Variants in CTNNA2 observed in about 807,000 individuals in gnomAD.
CTNNA2 encodes catenin alpha-2.
A neutral mutation model predicts 101.0 loss-of-function variants in CTNNA2; 42 were observed. That is an observed-to-expected ratio of 0.42 (90% confidence interval 0.32 to 0.54). CTNNA2 has a LOEUF of 0.54. CTNNA2 is among the 20% of genes least tolerant of loss of function. CTNNA2 has a pLI of 0.14. For missense variants in CTNNA2, 871 were observed against 1,223.1 expected (o/e 0.71, Z 4.29); for synonymous variants, 450 against 456.4 (o/e 0.99, Z 0.18).
intron 4 of CTNNA2, among the ~76,000 whole-genome samples, chr2:79,374,361 C>A (rs1677938007): frequency 6.6e-6 from 1 of 152,086 alleles, no homozygotes; most frequent in Non-Finnish European, 1.5e-5. Context: ...AGCACAAATA[C>A]AATAATGGGG....
intron 16 of CTNNA2, among the ~76,000 whole-genome samples, chr2:80,606,401 C>CAT (rs1333297833): frequency 8.3e-6 from 1 of 120,962 alleles, no homozygotes; most frequent in Non-Finnish European, 1.7e-5. Flanking sequence ...CACACACACA[C>CAT]ACACACACAC....
rs1467280230 is a variant in CTNNA2 at position 79,338,645 on chromosome 2, A to ATTCTTCTTCTTCTTCTT, written c.-318+25849_-318+25850insTTCTTCTTCTTCTTCTT. Among the ~76,000 whole-genome samples the ATTCTTCTTCTTCTTCTT allele has an allele frequency of 9.1e-3, 487 of 53,808 alleles. 4 individuals carry two copies. The highest frequency in any genetic ancestry group is 0.021 in the Middle Eastern group (2 of 96). 35.3% of individuals were successfully genotyped at this position (53,808 alleles called of 152,430 possible). On this transcript the variant is annotated intron_variant, in intron 3 of 21. Coordinates refer to the CTNNA2 transcript ENST00000466387. ...TTCTTCTTCTTCTTCTTCTTCTTCA[A>ATTCTTCTTCTTCTTCTT]AGATTCCTCTGGCTGCTCTGGATTA...
chr2:79,982,230 A>ATATATATATATATATATG, intron 7 of CTNNA2, among the ~76,000 whole-genome samples: 2 of 96,446 alleles, frequency 2.1e-5, no homozygotes, highest in East Asian at 7.5e-4. Flanking sequence ...ATATATATAT[A>ATATATATATATATATATG]TATATATATA....
intron 1 of CTNNA2, among the ~76,000 whole-genome samples, chr2:79,539,522 T>G (rs548893080): frequency 3.9e-5 from 6 of 152,228 alleles, no homozygotes; most frequent in Non-Finnish European, 8.8e-5. Flanking sequence ...AATGTTACTT[T>G]CAGATACAAT....
At chr2:80,142,540 A>G (rs1703079597) in intron 7 of CTNNA2, among the ~76,000 whole-genome samples, 1 of 152,224 alleles carries the variant, frequency 6.6e-6, no homozygotes, top group African/African-American at 2.4e-5. Context: ...GAAGCTGGCT[A>G]TCTGGAGATG....
intron 7 of CTNNA2, chr2:80,313,335 GTT>G: frequency 7.6e-7 from 1 of 1,307,676 alleles, no homozygotes; most frequent in Non-Finnish European, 9.8e-7. Flanking sequence ...TGCTATTCTT[GTT>G]TTTGTTCATT....
intron 7 of CTNNA2, among the ~76,000 whole-genome samples, chr2:80,173,695 A>G (rs769717617): frequency 2.0e-5 from 3 of 152,074 alleles, no homozygotes; most frequent in Non-Finnish European, 4.4e-5. Context: ...GGGGGATCAG[A>G]GGGAAGCAAG....
rs1323218620 is a variant in CTNNA2 at position 79,725,737 on chromosome 2, T to C, written c.103-18650T>C. On this transcript the variant is annotated intron_variant, in intron 2 of 18. Transcript: ENST00000402739. ...TGTCAGTGCATGCACCTTAAAACCT[T>C]GAAGATGCTCCCCAGTTCCTTTCTA... Among the ~76,000 whole-genome samples, 2 of 152,212 alleles carry C rather than the reference T, an allele frequency of 1.3e-5. 1 individual carries two copies. Among genetic ancestry groups the C allele is most frequent in the Non-Finnish European group, 2.9e-5 (2 of 68,046 alleles).
In CTNNA2 at chr2:79,978,642, A is replaced by G. The variant is rs149111398; in HGVS notation, c.1056+68845A>G. Among the ~76,000 whole-genome samples, 302 of 152,286 alleles carry G rather than the reference A, an allele frequency of 2.0e-3. 2 individuals carry two copies. Among genetic ancestry groups the G allele is most frequent in the Admixed American group, 3.1e-3 (48 of 15,292 alleles). ...TAGGGGAGAAAAGAGTTTGATTCAT[A>G]TCTGTCCATTTGCTTCCCAGTCTAC... On this transcript the variant is annotated intron_variant, in intron 7 of 18. Coordinates refer to ENST00000402739, the MANE Select transcript of CTNNA2 (RefSeq NM_001282597.3).
chr2:79,259,994 A>C (rs879193439), intron 2 of CTNNA2, among the ~76,000 whole-genome samples: 1 of 152,210 alleles, frequency 6.6e-6, no homozygotes, highest in African/African-American at 2.4e-5. Flanking sequence ...GATGCTACCT[A>C]GGAGTTTCTC....
At chr2:79,609,828 T>G (rs190535745) in intron 1 of CTNNA2, among the ~76,000 whole-genome samples, 1 of 152,226 alleles carries the variant, frequency 6.6e-6, no homozygotes, top group African/African-American at 2.4e-5. Context: ...GACGATACAA[T>G]CGAAAACTCT....
rs920916544 is a variant in CTNNA2 at position 79,858,170 on chromosome 2, T to C, written c.456T>C (p.His152=). The change falls in exon 4 of 19, where the codon CAT becomes CAC. Residue 152 remains histidine, a synonymous_variant. Transcript: ENST00000402739. ...CAGATGTCATGAGACTTTTATCCCA[T>C]CTGAAAATTGTACGTATGTAGAACT... ...DMADVMRLLS[H]LKIVEEALEA... is the part of the protein sequence containing the mutation. The C allele has an allele frequency of 1.2e-6, 2 of 1,611,364 alleles. No individual in the cohort carries two copies. The highest frequency in any genetic ancestry group is 2.7e-5 in the African/African-American group (2 of 74,972).
At chr2:80,535,060 A>G (rs935130528) in intron 9 of CTNNA2, among the ~76,000 whole-genome samples, 3 of 152,224 alleles carry the variant, frequency 2.0e-5, no homozygotes, top group African/African-American at 7.2e-5. Flanking sequence ...CAGTGACAAA[A>G]AGAATTATAA....
At chr2:80,498,046 G>T (rs1687603799) in intron 9 of CTNNA2, among the ~76,000 whole-genome samples, 1 of 152,042 alleles carries the variant, frequency 6.6e-6, no homozygotes, top group Admixed American at 6.6e-5. Flanking sequence ...CTATTTATTT[G>T]TTATGCAACA....
chr2:79,956,476 C>G (rs964754807), intron 7 of CTNNA2, among the ~76,000 whole-genome samples: 3 of 152,026 alleles, frequency 2.0e-5, no homozygotes, highest in Non-Finnish European at 4.4e-5. Flanking sequence ...CTTTTAAGAA[C>G]CATTCCTTTA....
intron 4 of CTNNA2, among the ~76,000 whole-genome samples, chr2:79,377,973 A>T (rs2104460589): frequency 6.6e-6 from 1 of 152,204 alleles, no homozygotes. Context: ...AGTAAAATCT[A>T]ATGTTTTTCA....
At chr2:80,644,704 C>T (rs1326390139) in intron 18 of CTNNA2, among the ~76,000 whole-genome samples, 1 of 152,090 alleles carries the variant, frequency 6.6e-6, no homozygotes, top group East Asian at 1.9e-4. Flanking sequence ...TTAAATTGGG[C>T]TTATTGTTTG....
chr2:79,970,162 T>C (rs1367567648), intron 7 of CTNNA2, among the ~76,000 whole-genome samples: 2 of 152,054 alleles, frequency 1.3e-5, no homozygotes, highest in South Asian at 4.1e-4. Context: ...AACAGTGTTA[T>C]AGAGAAAGGG....
chr2:80,120,447 A>C (rs1372161302), intron 7 of CTNNA2, among the ~76,000 whole-genome samples: 2 of 152,134 alleles, frequency 1.3e-5, no homozygotes, highest in African/African-American at 2.4e-5. Flanking sequence ...TGCTCATTGG[A>C]TCCTCCTTTT....
Sources: gnomAD v4.1 joint callset for allele counts (sites outside exome capture counted in the v4.1 genomes callset) on GRCh38, gnomAD v4.1.1 for gene constraint, MANE v1.5 for transcripts, NCBI Gene and HGNC (gene_info 2026-07-23, HGNC 2026-07-21) for gene names.